Variants in TMF1 observed in about 807,000 individuals in gnomAD.
The protein encoded by TMF1 is TATA element modulatory factor 1.
A neutral mutation model predicts 126.5 loss-of-function variants in TMF1; 71 were observed. The ratio of observed to expected loss-of-function variants is 0.56; its 90% CI spans 0.46 to 0.68. TMF1 has a LOEUF of 0.68. Ranked by LOEUF, TMF1 falls within the 30% of genes least tolerant of loss-of-function variation. The probability of loss-of-function intolerance (pLI) is 0.00; values close to 1 mark genes in which losing one functional copy is unlikely to be tolerated. For missense variants in TMF1, 1,259 were observed against 1,253.2 expected, an observed-to-expected ratio of 1.00 and a Z score of -0.07; for synonymous variants, 461 against 430.5, an observed-to-expected ratio of 1.07 and a Z score of -0.88.
chr3:69,038,600 T>C lies in TMF1; in HGVS notation c.2115A>G (p.Glu705=), dbSNP rs369282446. The change falls in exon 8 of 17, where the codon GAA becomes GAG. Residue 705 remains glutamate, a synonymous_variant. Transcript: ENST00000398559. The part of the protein sequence containing the change: ...ELSAALEKAQ[E]EARQQQETLA... ...ATGTTTCTTGCTGCTGACGGGCTTC[T>C]TCTTGGGCCTTCTCTAATGCTGCAG... is the stretch of plus-strand genomic sequence containing the variant. 56 of 1,614,172 alleles carry C rather than the reference T, an allele frequency of 3.5e-5. No homozygotes were observed. In the African/African-American group the frequency reaches 6.9e-4, roughly 20 times the overall value.
chr3:69,026,572 A>T (rs192329917), intron 13 of TMF1, among the ~76,000 whole-genome samples: 30 of 152,334 alleles, frequency 2.0e-4, no homozygotes, highest in Admixed American at 1.8e-3. Flanking sequence ...GTGAGCTGAG[A>T]TAGCACCACT....
At chr3:69,051,887 C>T in intron 1 of TMF1, 58 bp downstream of exon 1, 1 of 1,587,394 alleles carries the variant, frequency 6.3e-7, no homozygotes, top group Non-Finnish European at 8.6e-7. Context: ...CTTAACCTGC[C>T]TGCATCAAGA....
chr3:69,034,007 G>A (rs971544127), intron 9 of TMF1: 2 of 184,818 alleles, frequency 1.1e-5, no homozygotes, highest in Non-Finnish European at 2.2e-5. Flanking sequence ...TAGAGACGAG[G>A]TTTCATCATG....
At chr3:69,046,584 A>G (rs2091897314) in intron 2 of TMF1, among the ~76,000 whole-genome samples, 1 of 152,200 alleles carries the variant, frequency 6.6e-6, no homozygotes, top group African/African-American at 2.4e-5. Flanking sequence ...CCTACATCTC[A>G]GAAGTCTATT....
In TMF1 at chr3:69,024,270, T is replaced by G. The variant is rs1373683166; in HGVS notation, c.3013-90A>C. The G allele has an allele frequency of 5.2e-5, 26 of 495,474 alleles. No homozygotes were observed. The African/African-American group carries it at 5.5e-4, about 11-fold the overall frequency. The allele number at this position is 495,474 out of a possible 1,614,324, so 30.7% of individuals were successfully genotyped here. A position where few individuals can be genotyped will look rare whatever the true frequency, so the allele number is the denominator to read the frequency against. ...TAAAAATATTTAATGTGTGTGTGGT[T>G]TTTTTTTTTTTTTTGAAATAGACAT... On this transcript the variant is annotated intron_variant, in intron 15 of 16. Transcript: ENST00000398559.
intron 6 of TMF1, among the ~76,000 whole-genome samples, 162 bp from the exon 7 acceptor site, chr3:69,039,171 T>C (rs995830406): frequency 6.6e-6 from 1 of 152,208 alleles, no homozygotes; most frequent in African/African-American, 2.4e-5. Context: ...CTGCAACCTC[T>C]GCCTCCCAGC....
At chr3:69,033,179 C>T (rs1213229155) in intron 10 of TMF1, among the ~76,000 whole-genome samples, 1 of 149,212 alleles carries the variant, frequency 6.7e-6, no homozygotes, top group Non-Finnish European at 1.5e-5. Flanking sequence ...GAGGCTGAGG[C>T]AGGAGAATTG....
intron 9 of TMF1, chr3:69,033,960 C>G (rs1392662364): frequency 3.9e-6 from 1 of 255,018 alleles, no homozygotes; most frequent in African/African-American, 2.2e-5. Flanking sequence ...ACTACAGGTA[C>G]ACGCCACCAC....
intron 1 of TMF1, among the ~76,000 whole-genome samples, chr3:69,051,331 CGGGCGTGGTG>C (rs1224804181): frequency 6.6e-6 from 1 of 151,938 alleles, no homozygotes; most frequent in African/African-American, 2.4e-5. Context: ...AAAAAGTTGC[CGGGCGTGGTG>C]GTGGGCGCCT....
rs1433764828 is a variant in TMF1, at chr3:69,035,038, G to A, written c.2229C>T (p.Ile743=). 7 of 1,613,868 alleles carry A rather than the reference G, an allele frequency of 4.3e-6. No homozygotes were observed. Among genetic ancestry groups the A allele is most frequent in the South Asian group, 2.2e-5 (2 of 91,074 alleles). Residue 743 remains isoleucine, a synonymous_variant, in exon 9 of 17, where the codon ATC becomes ATT. Transcript: ENST00000398559. ...ARKEDYLRHE[I]GELQQRLQEA... ...GTGACAGTACCTGCTGAAGTTCACC[G>A]ATCTCATGGCGTAAATAATCCTCCT... is the stretch of plus-strand genomic sequence containing the variant.
chr3:69,037,813 T>C (rs767342448), intron 8 of TMF1, among the ~76,000 whole-genome samples: 3 of 150,842 alleles, frequency 2.0e-5, no homozygotes, highest in Admixed American at 1.3e-4. Context: ...AAAAAATATA[T>C]ATAAATTGAA....
In TMF1 at chr3:69,048,011, G is replaced by C. The variant is rs202240773; in HGVS notation, c.694C>G (p.Gln232Glu). 13 of 1,613,848 alleles carry C rather than the reference G, an allele frequency of 8.1e-6. No individual in the cohort carries two copies. The highest frequency in any genetic ancestry group is 8.5e-7 in the Non-Finnish European group (1 of 1,180,022). ...TKDIALEPKE[Q>E]KHEDRQSNTP... ...TTGCTCTGCCTGTCTTCATGTTTTT[G>C]TTCCTTAGGTTCCAAAGCTATGTCC... Residue 232 changes from glutamine to glutamate, a missense_variant, in exon 2 of 17, where the codon CAA becomes GAA. Coordinates refer to ENST00000398559, the MANE Select transcript of TMF1 (RefSeq NM_007114.3).
Position 69,044,510 on chromosome 3 carries a change from G to T in TMF1, c.1433C>A (p.Ala478Asp). Residue 478 changes from alanine to aspartate, a missense_variant, in exon 3 of 17, where the codon GCT becomes GAT. Transcript: ENST00000398559. ...TACTTACTCTTTCAGGTTATCAAAA[G>T]CTTCTTCTAGAAGTGCTTTTTCCTT... is the stretch of plus-strand genomic sequence containing the variant. ...LSKEKALLEE[A>D]FDNLKDEMFR... 4 of 1,590,462 alleles carry T rather than the reference G, an allele frequency of 2.5e-6. No homozygotes were observed. Among genetic ancestry groups the T allele is most frequent in the Non-Finnish European group, 3.4e-6 (4 of 1,170,512 alleles).
At chr3:69,023,504 G>GA (rs368236966) in intron 16 of TMF1, among the ~76,000 whole-genome samples, 184 bp from the exon 17 acceptor site, 44 of 151,976 alleles carry the variant, frequency 2.9e-4, no homozygotes, top group African/African-American at 1.0e-3. Flanking sequence ...AGGAATTAAA[G>GA]AAAAAAACCA....
At chr3:69,042,177 G>A (rs892631468) in intron 5 of TMF1, among the ~76,000 whole-genome samples, 1 of 151,924 alleles carries the variant, frequency 6.6e-6, no homozygotes, top group Non-Finnish European at 1.5e-5. Context: ...GCTGGGATTA[G>A]AGGCACGCAC....
intron 2 of TMF1, 32 bp from the exon 3 acceptor site, chr3:69,044,627 G>T: frequency 1.4e-6 from 2 of 1,461,070 alleles, no homozygotes; most frequent in Non-Finnish European, 1.9e-6. Context: ...AAGTCAGAAC[G>T]CTTAGCTTTA....
intron 10 of TMF1, among the ~76,000 whole-genome samples, chr3:69,032,849 G>A (rs2091810552): frequency 6.6e-6 from 1 of 152,062 alleles, no homozygotes; most frequent in South Asian, 2.1e-4. Flanking sequence ...GGCGTCAAGT[G>A]ATCCACCCGC....
At chr3:69,032,460 T>G (rs573516049) in intron 10 of TMF1, among the ~76,000 whole-genome samples, 2 of 152,322 alleles carry the variant, frequency 1.3e-5, no homozygotes, top group South Asian at 4.1e-4. Context: ...TACATGAATT[T>G]TTCATGAATT....
intron 10 of TMF1, 164 bp from the exon 11 acceptor site, chr3:69,030,171 T>C: frequency 3.8e-6 from 2 of 521,666 alleles, no homozygotes; most frequent in South Asian, 6.9e-5. Flanking sequence ...AATGAACCAA[T>C]CTTAACTTAT....
Sources: allele counts gnomAD v4.1 joint callset (sites outside exome capture counted in the v4.1 genomes callset), GRCh38; gene constraint gnomAD v4.1.1; transcripts MANE v1.5; gene names NCBI Gene and HGNC (gene_info 2026-07-23, HGNC 2026-07-21).